The following HNMT variants were observed in gnomAD, a reference collection of about 807,000 sequenced individuals.
HNMT encodes the protein histamine N-methyltransferase.
A neutral mutation model predicts 32.1 loss-of-function variants in HNMT; 30 were observed. That is an observed-to-expected ratio of 0.93 (90% confidence interval 0.70 to 1.27). The LOEUF (loss-of-function observed/expected upper bound fraction) is 1.27. Ranked by LOEUF, HNMT falls within the 50% of genes most tolerant of loss-of-function variation. The pLI is 0.00. For missense variants in HNMT, 327 were observed against 346.0 expected, an observed-to-expected ratio of 0.95 and a Z score of 0.43; for synonymous variants, 125 against 119.0, an observed-to-expected ratio of 1.05 and a Z score of -0.33.
intron 2 of HNMT, among the ~76,000 whole-genome samples, chr2:137,977,545 G>T (rs1182720317): frequency 6.6e-6 from 1 of 151,742 alleles, no homozygotes; most frequent in African/African-American, 2.4e-5. Context: ...CAATCTGAGA[G>T]AAACGACGAA....
intron 2 of HNMT, among the ~76,000 whole-genome samples, chr2:137,987,226 T>C (rs1680675135): frequency 6.6e-6 from 1 of 152,132 alleles, no homozygotes. Flanking sequence ...CCTTCAATCA[T>C]CAGAGTTATG....
chr2:137,992,463 CT>C (rs1680851057), intron 2 of HNMT, among the ~76,000 whole-genome samples: 4 of 152,212 alleles, frequency 2.6e-5, no homozygotes, highest in Non-Finnish European at 4.4e-5. Context: ...CAGAGTGCCT[CT>C]TCAGGCCTGA....
intron 1 of HNMT, 46 bp from the exon 2 acceptor site, chr2:137,970,119 A>G (rs949619487): frequency 9.9e-7 from 1 of 1,011,958 alleles, no homozygotes; most frequent in Non-Finnish European, 1.5e-6. Flanking sequence ...GATTTCACAA[A>G]GCACCTAACA....
intron 2 of HNMT, among the ~76,000 whole-genome samples, chr2:137,975,863 G>A (rs1173179584): frequency 6.6e-6 from 1 of 152,154 alleles, no homozygotes; most frequent in African/African-American, 2.4e-5. Context: ...AAAAGAATTT[G>A]ATTGTGCTTA....
In HNMT at chr2:137,975,113, A is replaced by G. The variant is rs115048160; in HGVS notation, c.190+4896A>G. Among the ~76,000 whole-genome samples, 1,237 of 152,318 alleles carry G rather than the reference A, an allele frequency of 8.1e-3. 12 individuals are homozygous for G. Among genetic ancestry groups the G allele is most frequent in the African/African-American group, 0.027 (1,114 of 41,576 alleles). ...GTTAATTCTTAACCTGGTAAGGGAG[A>G]AAGTGTCTGAGACAGCTCTCAATCA... On this transcript the variant is annotated intron_variant, in intron 2 of 5. Transcript: ENST00000280097.
At chr2:138,006,808 C>T (rs6752822) in intron 5 of HNMT, among the ~76,000 whole-genome samples, 6,836 of 152,006 alleles carry the variant, frequency 0.045, 491 homozygotes, top group African/African-American at 0.15. Flanking sequence ...ACCTTATCTG[C>T]ATTATATTAC....
chr2:138,009,065 A>G (rs898037805), intron 5 of HNMT, among the ~76,000 whole-genome samples: 1 of 151,988 alleles, frequency 6.6e-6, no homozygotes, highest in African/African-American at 2.4e-5. Context: ...GAGAGAAACA[A>G]CCCCATTAAA....
At position 138,005,112 on chromosome 2, in the gene HNMT, C is replaced by A; in HGVS notation, c.430-20C>A. 7.4e-7 allele frequency: 1 copy of A among 1,347,252 alleles called. No individual in the cohort carries two copies. Among genetic ancestry groups the A allele is most frequent in the Middle Eastern group, 1.8e-4 (1 of 5,522 alleles). 83.5% of individuals were successfully genotyped at this position (1,347,252 alleles called of 1,614,324 possible). A position where few individuals can be genotyped will look rare whatever the true frequency, so the allele number is the denominator to read the frequency against. The stretch of plus-strand genomic sequence containing the variant: ...TTCAACATACAGAAGCAGCTCATTT[C>A]TCTTTTTCCTCCTTTCTAGATGCTG... On this transcript the variant is annotated intron_variant, in intron 4 of 5. Coordinates refer to ENST00000280097, the MANE Select transcript of HNMT (RefSeq NM_006895.3).
chr2:138,004,368 C>T (rs930176990), intron 4 of HNMT, among the ~76,000 whole-genome samples: 3 of 151,986 alleles, frequency 2.0e-5, no homozygotes, highest in African/African-American at 4.8e-5. Context: ...TCTCTAAGGA[C>T]AGGCTATATG....
rs116519843 is a variant in HNMT, at chr2:138,003,275, T to C, written c.429+1081T>C. Among the ~76,000 whole-genome samples the C allele has an allele frequency of 7.7e-3, 1,177 of 152,134 alleles. 17 individuals are homozygous for C. Among genetic ancestry groups the C allele is most frequent in the African/African-American group, 0.027 (1,126 of 41,500 alleles). ...AGAAAGGGAGTGACTATTGAGTAGA[T>C]AGCATGGGGCTGGATTTCCAGAGAT... is the stretch of plus-strand genomic sequence containing the variant. On this transcript the variant is annotated intron_variant, in intron 4 of 5. Transcript: ENST00000280097.
chr2:137,999,676 A>T (rs1223210118), intron 2 of HNMT, among the ~76,000 whole-genome samples: 1 of 152,138 alleles, frequency 6.6e-6, no homozygotes, highest in Admixed American at 6.6e-5. Context: ...AGGTATTTCC[A>T]TTTTAGTGAA....
At chr2:138,009,506 C>T (rs1028804761) in intron 5 of HNMT, among the ~76,000 whole-genome samples, 9 of 152,006 alleles carry the variant, frequency 5.9e-5, no homozygotes, top group Admixed American at 2.6e-4. Context: ...TTGCCCCCCT[C>T]AGTGTATGAT....
intron 2 of HNMT, among the ~76,000 whole-genome samples, chr2:137,976,055 T>A (rs1464846006): frequency 1.3e-5 from 2 of 151,928 alleles, no homozygotes; most frequent in Non-Finnish European, 2.9e-5. Flanking sequence ...TCACCTGAGG[T>A]CAGGAGTTTG....
chr2:137,974,353 A>G (rs116035746), intron 2 of HNMT, among the ~76,000 whole-genome samples: 1,721 of 152,282 alleles, frequency 0.011, 22 homozygotes, highest in African/African-American at 0.039. Flanking sequence ...AATCTCATAG[A>G]ACATGCTTCT....
chr2:138,001,059 C>G, intron 3 of HNMT, 34 bp downstream of exon 3: 1 of 1,110,184 alleles, frequency 9.0e-7, no homozygotes, highest in Non-Finnish European at 1.3e-6. Context: ...ACACCAGATC[C>G]TATCCCAAAA....
intron 3 of HNMT, 88 bp downstream of exon 3, chr2:138,001,113 A>C: frequency 1.6e-6 from 1 of 628,394 alleles, no homozygotes; most frequent in Admixed American, 3.2e-5. Flanking sequence ...AAATATAGTT[A>C]CTGTGGTATG....
chr2:138,001,281 A>G (rs1681162527), intron 3 of HNMT, among the ~76,000 whole-genome samples: 1 of 152,202 alleles, frequency 6.6e-6, no homozygotes, highest in Non-Finnish European at 1.5e-5. Context: ...GTTTATGCTT[A>G]AGTACAGATT....
At chr2:137,971,464 C>G (rs1434109250) in intron 2 of HNMT, among the ~76,000 whole-genome samples, 1 of 152,214 alleles carries the variant, frequency 6.6e-6, no homozygotes, top group Non-Finnish European at 1.5e-5. Flanking sequence ...AGGCATGAGT[C>G]ACATGCCCAG....
At chr2:137,999,876 C>A (rs2104972537) in intron 2 of HNMT, among the ~76,000 whole-genome samples, 1 of 151,256 alleles carries the variant, frequency 6.6e-6, no homozygotes, top group Admixed American at 6.6e-5. Flanking sequence ...TTAACCCTCA[C>A]AACTAATAAA....
Sources: gnomAD v4.1 joint callset for allele counts (sites outside exome capture counted in the v4.1 genomes callset) on GRCh38, gnomAD v4.1.1 for gene constraint, MANE v1.5 for transcripts, NCBI Gene and HGNC (gene_info 2026-07-23, HGNC 2026-07-21) for gene names.